EXO1: variants seen among roughly 807,000 people sequenced by gnomAD.
The protein encoded by EXO1 is exonuclease 1.
EXO1 carries 69 observed loss-of-function variants against 84.5 expected under a neutral mutation model. That is an observed-to-expected ratio of 0.82 (90% CI 0.67 to 1.00). EXO1 has a LOEUF of 1.00. Ranked by LOEUF, EXO1 falls within the 50% of genes least tolerant of loss-of-function variation. The pLI, the probability that EXO1 is intolerant of heterozygous loss-of-function variation, is 0.00. For missense variants in EXO1, 1,045 were observed against 1,000.7 expected, an observed-to-expected ratio of 1.04 and a Z score of -0.60; for synonymous variants, 373 against 366.1, an observed-to-expected ratio of 1.02 and a Z score of -0.21.
intron 12 of EXO1, among the ~76,000 whole-genome samples, chr1:241,872,566 C>T (rs1553272982): frequency 6.6e-6 from 1 of 152,102 alleles, no homozygotes; most frequent in Non-Finnish European, 1.5e-5. Flanking sequence ...CATGTACTCT[C>T]ATTGTTCAAC....
intron 15 of EXO1, among the ~76,000 whole-genome samples, chr1:241,888,197 G>A (rs892733733): frequency 3.9e-5 from 6 of 152,134 alleles, no homozygotes; most frequent in Middle Eastern, 3.4e-3. Context: ...CTGAGATTGC[G>A]GCACTGCACT....
intron 14 of EXO1, among the ~76,000 whole-genome samples, chr1:241,884,504 A>G (rs12564798): frequency 0.023 from 3,552 of 152,370 alleles, 83 homozygotes; most frequent in East Asian, 0.13. Context: ...TGGCATATAT[A>G]TACAATGCAA....
rs747366705 is a variant in EXO1 at position 241,857,400 on chromosome 1, A to G, written c.461A>G (p.Gln154Arg). The change falls in exon 7 of 16, where the codon CAG becomes CGG. Residue 154 changes from glutamine to arginine, a missense_variant. Transcript: ENST00000366548. ...CLVAPYEADA[Q>R]LAYLNKAGIV... ...GTGGCTCCCTATGAAGCTGATGCGC[A>G]GTTGGCCTATCTTAACAAAGCGGGA... 11 of 1,613,958 alleles carry G rather than the reference A, an allele frequency of 6.8e-6. No individual in the cohort carries two copies. In the South Asian group the frequency reaches 1.2e-4, roughly 18 times the overall value.
intron 6 of EXO1, 68 bp from the exon 7 acceptor site, chr1:241,857,277 T>A (rs1661106846): frequency 4.6e-6 from 7 of 1,530,168 alleles, no homozygotes; most frequent in Non-Finnish European, 6.3e-6. Flanking sequence ...AAAGTGGGTT[T>A]GAAACAGGAA....
chr1:241,885,266 G>A, intron 14 of EXO1, 48 bp from the exon 15 acceptor site: 2 of 1,206,446 alleles, frequency 1.7e-6, no homozygotes, highest in Non-Finnish European at 2.4e-6. Context: ...TGAAATTAAA[G>A]TTAGTTGCTT....
intron 12 of EXO1, among the ~76,000 whole-genome samples, 157 bp downstream of exon 12, chr1:241,872,435 A>G (rs960181091): frequency 1.3e-5 from 2 of 152,112 alleles, no homozygotes; most frequent in Admixed American, 1.3e-4. Context: ...TACATGTGCC[A>G]TGGTGATTTG....
At chr1:241,852,472 A>G (rs571758243) in intron 5 of EXO1, 61 bp downstream of exon 5, 2 of 1,472,454 alleles carry the variant, frequency 1.4e-6, no homozygotes, top group African/African-American at 1.4e-5. Flanking sequence ...ACTGTAGTCT[A>G]TATGATACCA....
chr1:241,868,374 CAA>C (rs10591886), intron 11 of EXO1, among the ~76,000 whole-genome samples: 18 of 115,872 alleles, frequency 1.6e-4, no homozygotes, highest in African/African-American at 4.8e-4. Context: ...GAATCCATCT[CAA>C]AAAAAAAAAA....
chr1:241,874,643 CTTG>C (rs1158676895), intron 12 of EXO1, among the ~76,000 whole-genome samples: 2 of 152,282 alleles, frequency 1.3e-5, no homozygotes, highest in South Asian at 4.1e-4. Flanking sequence ...TTCCTGGAAT[CTTG>C]TTGTGTTCAT....
At chr1:241,866,732 G>T in intron 10 of EXO1, 98 bp from the exon 11 acceptor site, 1 of 902,784 alleles carries the variant, frequency 1.1e-6, no homozygotes, top group Non-Finnish European at 1.8e-6. Context: ...GTTTTTAAGG[G>T]TAACTTAAGA....
At chr1:241,880,477 T>G (rs981265639) in intron 13 of EXO1, among the ~76,000 whole-genome samples, 1 of 152,338 alleles carries the variant, frequency 6.6e-6, no homozygotes, top group African/African-American at 2.4e-5. Context: ...CTCCACATTT[T>G]GTCTTCTGGG....
chr1:241,879,200 A>T lies in EXO1; in HGVS notation c.1966A>T (p.Ser656Cys). 1 of 1,603,370 alleles carries T rather than the reference A, an allele frequency of 6.2e-7. No individual in the cohort carries two copies. The highest frequency in any genetic ancestry group is 8.5e-7 in the Non-Finnish European group (1 of 1,171,972). Residue 656 changes from serine to cysteine, a missense_variant, in exon 13 of 16, where the codon AGC becomes TGC. By Grantham distance (112) the Ser-to-Cys change is moderately radical. Transcript: ENST00000366548. Reference protein sequence around the residue: ...NNMSDVSQLKSEESSDDESHP... With the variant: ...NNMSDVSQLKCEESSDDESHP... ...TATGTCTGATGTGTCGCAGTTAAAGAGCGAGGAGTCCAGTGACGATGAGTC... is the reference window on the plus strand; with the variant it reads ...TATGTCTGATGTGTCGCAGTTAAAGTGCGAGGAGTCCAGTGACGATGAGTC...
chr1:241,850,432 A>T lies in EXO1; in HGVS notation c.7A>T (p.Ile3Leu), dbSNP rs767855164. Residue 3 changes from isoleucine (I) to leucine (L), a missense_variant, in exon 4 of 16, where the codon ATA (isoleucine) becomes TTA (leucine). Coordinates refer to ENST00000366548, the MANE Select transcript of EXO1 (RefSeq NM_130398.4). MGIQGLLQFIKEA... is the reference protein window; with the variant it reads MGLQGLLQFIKEA... ...AGGTAGTTAATTTGGCACCATGGGGATACAGGGATTGCTACAATTTATCAA... is the reference window on the plus strand; with the variant it reads ...AGGTAGTTAATTTGGCACCATGGGGTTACAGGGATTGCTACAATTTATCAA... 6.2e-7 allele frequency: 1 copy of T among 1,613,410 alleles called. No individual in the cohort carries two copies. Among genetic ancestry groups the T allele is most frequent in the East Asian group, 2.2e-5 (1 of 44,846 alleles).
intron 3 of EXO1, 130 bp downstream of exon 3, chr1:241,849,346 G>T (rs1161361739): frequency 6.6e-6 from 1 of 152,256 alleles, no homozygotes; most frequent in Non-Finnish European, 1.5e-5. Flanking sequence ...TTATTGTAGA[G>T]TGGGGGGAGG....
At chr1:241,853,979 G>A (rs1288527774) in intron 6 of EXO1, among the ~76,000 whole-genome samples, 3 of 152,086 alleles carry the variant, frequency 2.0e-5, no homozygotes, top group Non-Finnish European at 2.9e-5. Flanking sequence ...ATGTAGCTTC[G>A]TTGCCCCAGG....
intron 12 of EXO1, among the ~76,000 whole-genome samples, chr1:241,877,122 GC>G (rs939221269): frequency 6.6e-6 from 1 of 152,204 alleles, no homozygotes; most frequent in African/African-American, 2.4e-5. Flanking sequence ...CATTTTGGAA[GC>G]CTGTTTTAAG....
chr1:241,883,600 T>A (rs1173539172), intron 14 of EXO1, among the ~76,000 whole-genome samples: 1 of 152,140 alleles, frequency 6.6e-6, no homozygotes, highest in East Asian at 1.9e-4. Context: ...TCCAGTACAT[T>A]AAAGATACAA....
At position 241,879,018 on chromosome 1, in the gene EXO1, G is replaced by A; in HGVS notation, c.1784G>A (p.Arg595Lys). The A allele has an allele frequency of 6.2e-7, 1 of 1,614,174 alleles. No homozygotes were observed. The highest frequency in any genetic ancestry group is 1.1e-5 in the South Asian group (1 of 91,090). ...SYSFESSKFT[R>K]TISPPTLGTL... ...TCTTTTGAGAGCAGCAAATTTACAAGGACCATTTCACCACCCACTTTGGGA... is the reference window on the plus strand; with the variant it reads ...TCTTTTGAGAGCAGCAAATTTACAAAGACCATTTCACCACCCACTTTGGGA... Residue 595 changes from arginine (R) to lysine (K), a missense_variant, in exon 13 of 16, where the codon AGG becomes AAG. By Grantham distance (26) the Arg-to-Lys change is conservative. Coordinates refer to ENST00000366548, the MANE Select transcript of EXO1 (RefSeq NM_130398.4).
At chr1:241,860,909 A>G (rs4149913) in intron 9 of EXO1, among the ~76,000 whole-genome samples, 183 of 152,352 alleles carry the variant, frequency 1.2e-3, no homozygotes, top group African/African-American at 4.2e-3. Flanking sequence ...AGGCTCATCC[A>G]CTATGCATCC....
Sources: gnomAD v4.1 joint callset for allele counts (sites outside exome capture counted in the v4.1 genomes callset) on GRCh38, gnomAD v4.1.1 for gene constraint, MANE v1.5 for transcripts, NCBI Gene and HGNC (gene_info 2026-07-23, HGNC 2026-07-21) for gene names.